DRC8: variants seen among roughly 807,000 people sequenced by gnomAD.
The protein encoded by DRC8 is dynein regulatory complex subunit 8.
At chr1:244,985,076 G>GTTTTTT in the DRC8 span, among the ~76,000 whole-genome samples, 55 of 130,810 alleles carry the variant, frequency 4.2e-4, no homozygotes, top group African/African-American at 1.2e-3. Flanking sequence ...TGTCTCCAGG[G>GTTTTTT]TTTTTTTTTT....
the DRC8 span, chr1:245,015,833 C>G: frequency 1.2e-5 from 2 of 173,900 alleles, no homozygotes; most frequent in African/African-American, 2.4e-5. Context: ...TGACTGGTCT[C>G]TCTGCTTCCA....
At chr1:245,082,171 G>T in the DRC8 span, 3 of 1,605,588 alleles carry the variant, frequency 1.9e-6, no homozygotes, top group South Asian at 3.3e-5. Context: ...AAGTAAGTAA[G>T]TAAATGCAAT....
the DRC8 span, among the ~76,000 whole-genome samples, chr1:244,995,663 A>G: frequency 6.6e-6 from 1 of 152,018 alleles, no homozygotes; most frequent in Non-Finnish European, 1.5e-5. Flanking sequence ...CTTGTATTTT[A>G]TTATGCGCAA....
chr1:245,124,477 G>T, the DRC8 span: 6 of 152,180 alleles, frequency 3.9e-5, no homozygotes, highest in Non-Finnish European at 8.8e-5. Context: ...GGATTAAGAA[G>T]AATTCTGGAC....
the DRC8 span, among the ~76,000 whole-genome samples, chr1:245,020,606 T>A: frequency 7.0e-6 from 1 of 142,592 alleles, no homozygotes; most frequent in Non-Finnish European, 1.5e-5. Context: ...TACTGGAGTT[T>A]TTCTTTCTTT....
chr1:245,075,465 T>C, the DRC8 span: 2 of 152,268 alleles, frequency 1.3e-5, no homozygotes, highest in African/African-American at 4.8e-5. Flanking sequence ...AGAGAGACTG[T>C]GGAGTGCCGG....
the DRC8 span, among the ~76,000 whole-genome samples, chr1:245,059,053 A>G: frequency 6.6e-6 from 1 of 152,250 alleles, no homozygotes; most frequent in Non-Finnish European, 1.5e-5. Context: ...AGACATTATC[A>G]TCCCCATTTT....
chr1:245,119,669 C>T, the DRC8 span, among the ~76,000 whole-genome samples: 3 of 147,246 alleles, frequency 2.0e-5, no homozygotes, highest in African/African-American at 5.1e-5. Context: ...CACGGTGGCT[C>T]ACGCCTGTAA....
chr1:245,023,896 G>A, the DRC8 span, among the ~76,000 whole-genome samples: 5 of 151,992 alleles, frequency 3.3e-5, no homozygotes, highest in African/African-American at 9.7e-5. Flanking sequence ...TTGGCTGGGC[G>A]CAGTGGCTCA....
the DRC8 span, among the ~76,000 whole-genome samples, chr1:245,042,363 A>G: frequency 6.6e-6 from 1 of 152,266 alleles, no homozygotes; most frequent in East Asian, 1.9e-4. Flanking sequence ...CCAGGTGTTC[A>G]GGAAGCATAT....
chr1:245,092,330 A>T, the DRC8 span, among the ~76,000 whole-genome samples: 23 of 152,182 alleles, frequency 1.5e-4, no homozygotes, highest in Admixed American at 2.6e-4. Context: ...TTTCTGTGGG[A>T]TGGAATGTGT....
At chr1:245,118,408 G>A in the DRC8 span, among the ~76,000 whole-genome samples, 2 of 152,162 alleles carry the variant, frequency 1.3e-5, no homozygotes, top group African/African-American at 2.4e-5. Flanking sequence ...AGCTTTCTTC[G>A]GAGAACTGGG....
At chr1:245,038,735 C>T in the DRC8 span, among the ~76,000 whole-genome samples, 2 of 151,886 alleles carry the variant, frequency 1.3e-5, no homozygotes, top group Admixed American at 6.6e-5. Flanking sequence ...TTGTGTGCAA[C>T]AAGTATCTAG....
At chr1:245,100,597 A>G in the DRC8 span, among the ~76,000 whole-genome samples, 1 of 151,828 alleles carries the variant, frequency 6.6e-6, no homozygotes, top group Non-Finnish European at 1.5e-5. Context: ...CCTGGGCAAC[A>G]TGGTGAAACC....
At chr1:245,074,284 T>A in the DRC8 span, among the ~76,000 whole-genome samples, 1 of 152,166 alleles carries the variant, frequency 6.6e-6, no homozygotes, top group Non-Finnish European at 1.5e-5. Context: ...TTGTTTTTGG[T>A]CTGAGTGGGG....
At chr1:245,086,001 G>T in the DRC8 span, among the ~76,000 whole-genome samples, 15 of 152,220 alleles carry the variant, frequency 9.9e-5, no homozygotes, top group African/African-American at 3.1e-4. Context: ...AAACAGAAAG[G>T]TCAGAACAGA....
chr1:245,095,465 A>G, the DRC8 span, among the ~76,000 whole-genome samples: 2 of 152,242 alleles, frequency 1.3e-5, no homozygotes, highest in African/African-American at 2.4e-5. Flanking sequence ...TTTCCATGAT[A>G]GTGTGTACTC....
At chr1:244,971,804 G>C in the DRC8 span, among the ~76,000 whole-genome samples, 2 of 152,124 alleles carry the variant, frequency 1.3e-5, no homozygotes, top group East Asian at 1.9e-4. Flanking sequence ...TCTCTCTATT[G>C]ATAACAAGGA....
the DRC8 span, among the ~76,000 whole-genome samples, chr1:245,078,452 A>AAACAAAAGGTGT: frequency 4.0e-5 from 6 of 151,898 alleles, no homozygotes; most frequent in Admixed American, 2.6e-4. Flanking sequence ...ATGAGTGGAT[A>AAACAAAAGGTGT]GTATATGTAC....
Sources: gnomAD v4.1 joint callset for allele counts (sites outside exome capture counted in the v4.1 genomes callset) on GRCh38, gnomAD v4.1.1 for gene constraint, MANE v1.5 for transcripts, NCBI Gene and HGNC (gene_info 2026-07-23, HGNC 2026-07-21) for gene names.